Variants in DHX9 observed in about 807,000 individuals in gnomAD.
The protein encoded by DHX9 is ATP-dependent RNA helicase A.
DHX9 carries 27 observed loss-of-function variants against 148.7 expected under a neutral mutation model. That is an observed-to-expected ratio of 0.18 (90% CI 0.13 to 0.25). The LOEUF (loss-of-function observed/expected upper bound fraction) is 0.25, where lower values mean the gene tolerates loss of function less well. DHX9 is among the 10% of genes least tolerant of loss of function. DHX9 has a pLI of 1.00. For missense variants in DHX9, 796 were observed against 1,559.6 expected (o/e 0.51, Z 8.25); for synonymous variants, 529 against 516.6 (o/e 1.02, Z -0.33).
rs1310184478 is a variant in DHX9, at chr1:182,875,964, T to G, written c.1816-86T>G. The G allele has an allele frequency of 3.1e-6, 3 of 979,190 alleles. No homozygotes were observed. In the Admixed American group the frequency reaches 6.4e-5, roughly 21 times the overall value. 60.7% of individuals were successfully genotyped at this position (979,190 alleles called of 1,614,324 possible). Reference sequence around the variant, plus strand: ...CTAGAATAAATAATGACATTACAAGTAATTAGAGTCACTAGAAGAAATCTA... The same window carrying G: ...CTAGAATAAATAATGACATTACAAGGAATTAGAGTCACTAGAAGAAATCTA... On this transcript the variant is annotated intron_variant, in intron 16 of 27. Coordinates refer to ENST00000367549, the MANE Select transcript of DHX9 (RefSeq NM_001357.5).
chr1:182,882,976 C>T (rs952108444), intron 24 of DHX9, among the ~76,000 whole-genome samples, 163 bp from the exon 25 acceptor site: 4 of 150,336 alleles, frequency 2.7e-5, no homozygotes, highest in African/African-American at 9.7e-5. Flanking sequence ...ACTCCTTGAA[C>T]TTAATCTGGG....
At chr1:182,872,643 C>G (rs1571316180) in intron 15 of DHX9, 150 bp downstream of exon 15, 1 of 900,312 alleles carries the variant, frequency 1.1e-6, no homozygotes, top group African/African-American at 1.7e-5. Flanking sequence ...TGAGGAGTTT[C>G]TCTTCTGTTA....
At chr1:182,887,024 A>G (rs2102625025) in intron 27 of DHX9, 59 bp from the exon 28 acceptor site, 1 of 1,475,662 alleles carries the variant, frequency 6.8e-7, no homozygotes, top group Non-Finnish European at 9.4e-7. Context: ...TACATTTGGT[A>G]AGTCGTTGGG....
rs754300036 is a variant in DHX9, at chr1:182,858,775, T to C, written c.943T>C (p.Leu315=). 4.3e-6 allele frequency: 7 copies of C among 1,614,226 alleles called. No individual in the cohort carries two copies. The highest frequency in any genetic ancestry group is 4.5e-5 in the East Asian group (2 of 44,878). The change falls in exon 10 of 28, where the codon TTG becomes CTG. Residue 315 remains leucine, a synonymous_variant. Transcript: ENST00000367549. ...GCCAGTTGCACTCAACATTGGCAAA[T>C]TGGCTCAGTTCGAACCATCTCAGCG... is the stretch of plus-strand genomic sequence containing the variant. ...SVPVALNIGK[L]AQFEPSQRQN...
intron 24 of DHX9, among the ~76,000 whole-genome samples, chr1:182,882,077 T>C: frequency 6.6e-6 from 1 of 152,178 alleles, no homozygotes; most frequent in Admixed American, 6.5e-5. Flanking sequence ...GAAATAAGAC[T>C]GTTGAGAGAC....
chr1:182,881,454 G>A (rs748721274), intron 23 of DHX9, 29 bp downstream of exon 23: 75 of 1,610,402 alleles, frequency 4.7e-5, no homozygotes, highest in Non-Finnish European at 5.9e-5. Flanking sequence ...TGAGCTGTCT[G>A]TAGTTTCTCA....
At chr1:182,877,159 G>T (rs1648841782) in intron 19 of DHX9, 2 of 389,556 alleles carry the variant, frequency 5.1e-6, no homozygotes, top group Non-Finnish European at 9.3e-6. Context: ...CTTGGCTGCT[G>T]GTGTCTCACT....
chr1:182,865,544 A>G (rs1278013817), intron 12 of DHX9, among the ~76,000 whole-genome samples: 1 of 152,220 alleles, frequency 6.6e-6, no homozygotes, highest in Non-Finnish European at 1.5e-5. Context: ...AAAAGAAGAT[A>G]GTGATCAGTA....
chr1:182,887,260 T>C lies in DHX9; in HGVS notation c.3639T>C (p.Gly1213=). 1 of 1,613,838 alleles carries C rather than the reference T, an allele frequency of 6.2e-7. No individual in the cohort carries two copies. The highest frequency in any genetic ancestry group is 2.2e-5 in the East Asian group (1 of 44,842). The change falls in exon 28 of 28, where the codon GGT becomes GGC. Residue 1213 remains glycine (G), a synonymous_variant. Transcript: ENST00000367549. The part of the protein sequence containing the change: ...ANSFRAGYGA[G]VGGGYRGVSR... ...CCTTTCGGGCAGGATATGGTGCAGGTGTTGGTGGAGGCTATAGAGGAGTTT... is the reference window on the plus strand; with the variant it reads ...CCTTTCGGGCAGGATATGGTGCAGGCGTTGGTGGAGGCTATAGAGGAGTTT...
intron 12 of DHX9, among the ~76,000 whole-genome samples, chr1:182,863,597 T>C (rs1412277950): frequency 6.6e-6 from 1 of 152,152 alleles, no homozygotes; most frequent in Non-Finnish European, 1.5e-5. Context: ...AAAATAATTA[T>C]TGAAGCACAG....
Position 182,887,561 on chromosome 1 carries a change from C to A in DHX9, c.*127C>A, listed in dbSNP as rs895441092. 3.6e-6 allele frequency: 3 copies of A among 832,952 alleles called. No homozygotes were observed. The highest frequency in any genetic ancestry group is 3.4e-5 in the African/African-American group (2 of 58,192). 51.6% of individuals were successfully genotyped at this position (832,952 alleles called of 1,614,324 possible). On this transcript the variant is annotated 3_prime_UTR_variant, in exon 28 of 28. Transcript: ENST00000367549. The stretch of plus-strand genomic sequence containing the variant: ...ATGCATTTTCACCCATTCTGTGGTT[C>A]ATTGTAGTTTAAGGAAACCAAGCAT...
At chr1:182,848,290 A>C (rs545833998) in intron 3 of DHX9, among the ~76,000 whole-genome samples, 5 of 152,338 alleles carry the variant, frequency 3.3e-5, no homozygotes, top group African/African-American at 1.2e-4. Context: ...TTGGGGATGT[A>C]TGGAGATATT....
intron 6 of DHX9, among the ~76,000 whole-genome samples, chr1:182,854,892 T>C (rs910680817): frequency 2.0e-5 from 3 of 152,216 alleles, no homozygotes; most frequent in African/African-American, 7.2e-5. Context: ...GGGAGCGATG[T>C]ATTTTTATTA....
chr1:182,859,450 T>C (rs867057178), intron 11 of DHX9, among the ~76,000 whole-genome samples: 1 of 152,190 alleles, frequency 6.6e-6, no homozygotes, highest in African/African-American at 2.4e-5. Context: ...ACAATGAGAA[T>C]TTAGTTTTTG....
chr1:182,845,358 T>A (rs1406337783), intron 3 of DHX9, among the ~76,000 whole-genome samples: 2 of 152,054 alleles, frequency 1.3e-5, no homozygotes, highest in African/African-American at 2.4e-5. Flanking sequence ...TTACCTTCTT[T>A]AAGAATATTT....
chr1:182,854,287 G>T, intron 6 of DHX9, 109 bp downstream of exon 6: 1 of 1,002,438 alleles, frequency 1.0e-6, no homozygotes, highest in Non-Finnish European at 1.4e-6. Flanking sequence ...GTGTGGATTA[G>T]AATTGAATTG....
At position 182,884,603 on chromosome 1, in the gene DHX9, G is replaced by T. The variant is rs1409307362; in HGVS notation, c.3261-10G>T. The T allele has an allele frequency of 1.2e-6, 2 of 1,611,920 alleles. No homozygotes were observed. The highest frequency in any genetic ancestry group is 2.2e-5 in the East Asian group (1 of 44,846). On this transcript the variant is annotated splice_polypyrimidine_tract_variant and intron_variant, in intron 26 of 27. Transcript: ENST00000367549. ...CCCTCTCTTATTTTTAATGTATTTC[G>T]CCACTTTAGGATTAAACTGCAAATA...
At chr1:182,877,003 G>T in intron 19 of DHX9, 100 bp downstream of exon 19, 1 of 764,964 alleles carries the variant, frequency 1.3e-6, no homozygotes. Flanking sequence ...AAACTCCTGT[G>T]TTCTTAAATC....
intron 24 of DHX9, among the ~76,000 whole-genome samples, chr1:182,882,858 C>T (rs1035906823): frequency 1.4e-5 from 2 of 138,784 alleles, no homozygotes; most frequent in Non-Finnish European, 1.5e-5. Context: ...GAGCGAGACT[C>T]GTCTCAAAAA....
Sources: allele counts gnomAD v4.1 joint callset (sites outside exome capture counted in the v4.1 genomes callset), GRCh38; gene constraint gnomAD v4.1.1; transcripts MANE v1.5; gene names NCBI Gene and HGNC (gene_info 2026-07-23, HGNC 2026-07-21).